The following P2RY12 variants were observed in gnomAD, a reference collection of about 807,000 sequenced individuals.
The protein encoded by P2RY12 is P2Y purinoceptor 12.
In P2RY12, 3 loss-of-function variants were observed where a neutral mutation model predicts 4.5. The observed-to-expected ratio is 0.67, with a 90% CI of 0.31 to 1.74. The LOEUF (loss-of-function observed/expected upper bound fraction) is 1.74, where lower values mean the gene tolerates loss of function less well. Ranked by LOEUF, P2RY12 falls within the 40% of genes most tolerant of loss-of-function variation. P2RY12 has a pLI of 0.09. For missense variants in P2RY12, 356 were observed against 407.8 expected, an observed-to-expected ratio of 0.87 and a Z score of 1.09; for synonymous variants, 148 against 154.1, an observed-to-expected ratio of 0.96 and a Z score of 0.29.
intron 1 of P2RY12, among the ~76,000 whole-genome samples, chr3:151,378,905 T>C (rs1711699057): frequency 6.6e-6 from 1 of 152,254 alleles, no homozygotes; most frequent in Non-Finnish European, 1.5e-5. Context: ...ACTCATTATG[T>C]ACATGAGCTT....
In P2RY12 at chr3:151,368,600, ATTT is replaced by A. The variant is rs773822835; in HGVS notation, c.-180+16089_-180+16091del. Among the ~76,000 whole-genome samples the A allele has an allele frequency of 1.9e-3, 117 of 61,990 alleles. 1 individual carries two copies. Among genetic ancestry groups the A allele is most frequent in the South Asian group, 0.015 (25 of 1,716 alleles). 40.7% of individuals were successfully genotyped at this position (61,990 alleles called of 152,430 possible). On this transcript the variant is annotated intron_variant, in intron 1 of 2. Coordinates refer to ENST00000302632, the MANE Select transcript of P2RY12 (RefSeq NM_022788.5). ...GGGCAATGGTGATTTATTTTATTTT[ATTT>A]TATTTTATTTTATTTTATTTTATTT...
At chr3:151,339,269 C>G (rs544421972) in intron 2 of P2RY12, among the ~76,000 whole-genome samples, 2 of 152,100 alleles carry the variant, frequency 1.3e-5, no homozygotes, top group African/African-American at 2.4e-5. Context: ...ACTTTTCCCC[C>G]CAACGTCCTT....
chr3:151,380,024 C>A, intron 1 of P2RY12: 1 of 784,998 alleles, frequency 1.3e-6, no homozygotes, highest in Non-Finnish European at 2.0e-6. Context: ...TCTTATTTAT[C>A]TAATAGTGAG....
chr3:151,347,502 G>A (rs1256364701), intron 1 of P2RY12, among the ~76,000 whole-genome samples: 3 of 152,164 alleles, frequency 2.0e-5, no homozygotes, highest in Non-Finnish European at 4.4e-5. Flanking sequence ...TCCTTCTGTG[G>A]GGAGGTTTTC....
At chr3:151,349,100 T>C (rs1412422843) in intron 1 of P2RY12, among the ~76,000 whole-genome samples, 2 of 152,198 alleles carry the variant, frequency 1.3e-5, no homozygotes, top group African/African-American at 2.4e-5. Context: ...AAATGGAAGA[T>C]TATAAGATCC....
chr3:151,382,648 G>A, intron 1 of P2RY12: 1 of 1,599,570 alleles, frequency 6.3e-7, no homozygotes, highest in East Asian at 2.3e-5. Context: ...TTTTTTTCCG[G>A]ATCTTAGATT....
chr3:151,351,546 T>C (rs945864860), intron 1 of P2RY12, among the ~76,000 whole-genome samples: 1 of 152,234 alleles, frequency 6.6e-6, no homozygotes, highest in African/African-American at 2.4e-5. Flanking sequence ...GAAAACTGTT[T>C]ATCTGTTGTT....
At chr3:151,354,800 A>G (rs1357589970) in intron 1 of P2RY12, among the ~76,000 whole-genome samples, 3 of 152,204 alleles carry the variant, frequency 2.0e-5, no homozygotes, top group African/African-American at 7.2e-5. Context: ...GTTGATTGCA[A>G]GATGCCAGAT....
At chr3:151,355,836 T>G in intron 1 of P2RY12, 1 of 1,437,854 alleles carries the variant, frequency 7.0e-7, no homozygotes, top group Admixed American at 2.1e-5. Flanking sequence ...AAATGATTTA[T>G]CTTAGTAAAA....
chr3:151,365,946 T>C (rs1254040928), intron 1 of P2RY12: 2 of 1,613,376 alleles, frequency 1.2e-6, no homozygotes, highest in Non-Finnish European at 1.7e-6. Flanking sequence ...TTTGTTGTTC[T>C]TCAAATCACG....
intron 1 of P2RY12, among the ~76,000 whole-genome samples, chr3:151,348,045 A>G (rs1752744921): frequency 6.6e-6 from 1 of 152,162 alleles, no homozygotes; most frequent in Non-Finnish European, 1.5e-5. Flanking sequence ...GTCTGTAAAT[A>G]CTACTTTGAT....
At chr3:151,343,103 T>G (rs1184829926) in intron 1 of P2RY12, among the ~76,000 whole-genome samples, 1 of 152,122 alleles carries the variant, frequency 6.6e-6, no homozygotes, top group Non-Finnish European at 1.5e-5. Context: ...GAGGCCCCAG[T>G]AGTGAGAAGT....
intron 1 of P2RY12, chr3:151,360,405 A>C: frequency 7.0e-7 from 1 of 1,433,226 alleles, no homozygotes; most frequent in Non-Finnish European, 9.6e-7. Flanking sequence ...TTTTCATTCT[A>C]AAAGAGTCAA....
chr3:151,384,610 TA>T (rs945267952), intron 1 of P2RY12, 81 bp downstream of exon 1: 42 of 186,972 alleles, frequency 2.2e-4, no homozygotes, highest in Non-Finnish European at 3.7e-4. Context: ...CAGACTCCTT[TA>T]AAAAAAAATT....
At chr3:151,368,651 TTTC>T (rs1755680727) in intron 1 of P2RY12, among the ~76,000 whole-genome samples, 2 of 62,996 alleles carry the variant, frequency 3.2e-5, no homozygotes, top group Non-Finnish European at 6.2e-5. Context: ...TTTCATTTCA[TTTC>T]ATTTCATTTC....
chr3:151,382,504 A>G (rs1055668217), intron 1 of P2RY12: 17 of 494,018 alleles, frequency 3.4e-5, no homozygotes, highest in Middle Eastern at 5.0e-4. Flanking sequence ...TTCTTTCTGC[A>G]TGGAGGAAGA....
chr3:151,344,019 T>G (rs1188245304), intron 1 of P2RY12, among the ~76,000 whole-genome samples: 4 of 152,156 alleles, frequency 2.6e-5, no homozygotes, highest in Non-Finnish European at 4.4e-5. Context: ...GCTTTATCCA[T>G]TGGAATATAG....
chr3:151,355,867 T>C, intron 1 of P2RY12: 1 of 1,572,210 alleles, frequency 6.4e-7, no homozygotes, highest in African/African-American at 1.4e-5. Context: ...AATATTGGTC[T>C]TACAATATTT....
chr3:151,378,047 C>G, intron 1 of P2RY12: 1 of 1,610,040 alleles, frequency 6.2e-7, no homozygotes, highest in Non-Finnish European at 8.5e-7. Context: ...TTGGTGGCCC[C>G]CCTCATCGCC....
Sources: allele counts gnomAD v4.1 joint callset (sites outside exome capture counted in the v4.1 genomes callset), GRCh38; gene constraint gnomAD v4.1.1; transcripts MANE v1.5; gene names NCBI Gene and HGNC (gene_info 2026-07-23, HGNC 2026-07-21).